PCDH9: variants seen among roughly 807,000 people sequenced by gnomAD.
PCDH9 encodes protocadherin 9.
PCDH9 carries 24 observed loss-of-function variants against 70.6 expected under a neutral mutation model. The ratio of observed to expected loss-of-function variants is 0.34; its 90% confidence interval spans 0.25 to 0.48. PCDH9 has a LOEUF of 0.48. Among genes scored for constraint, PCDH9 ranks in the 20% least tolerant of loss-of-function variants. The pLI, the probability that PCDH9 is intolerant of heterozygous loss-of-function variation, is 0.99. For missense variants in PCDH9, 1,281 were observed against 1,503.6 expected (o/e 0.85, Z 2.45); for synonymous variants, 562 against 558.5 (o/e 1.01, Z -0.09).
At chr13:66,632,260 A>C (rs2077581693) in intron 3 of PCDH9, among the ~76,000 whole-genome samples, 1 of 152,262 alleles carries the variant, frequency 6.6e-6, no homozygotes, top group Admixed American at 6.5e-5. Context: ...GGAATAATTA[A>C]TTAAAGTTAT....
chr13:66,886,457 G>C (rs146157681), intron 3 of PCDH9, among the ~76,000 whole-genome samples: 1 of 152,264 alleles, frequency 6.6e-6, no homozygotes, highest in East Asian at 1.9e-4. Context: ...GCTGGAACTT[G>C]ATTCTAAGTG....
intron 3 of PCDH9, among the ~76,000 whole-genome samples, chr13:66,885,802 T>A (rs1294901623): frequency 2.0e-5 from 3 of 152,178 alleles, no homozygotes; most frequent in Non-Finnish European, 4.4e-5. Flanking sequence ...TAAATGGAGA[T>A]CTCTGCTGGG....
intron 3 of PCDH9, among the ~76,000 whole-genome samples, chr13:66,765,912 T>A (rs936105707): frequency 1.3e-5 from 2 of 151,990 alleles, no homozygotes; most frequent in Non-Finnish European, 2.9e-5. Context: ...AGAAAGAACA[T>A]CCCTTGAAAT....
chr13:66,779,902 T>TGTGTCC (rs1555268248), intron 3 of PCDH9, among the ~76,000 whole-genome samples: 2 of 146,520 alleles, frequency 1.4e-5, no homozygotes, highest in East Asian at 2.0e-4. Flanking sequence ...TGTGTGTGTG[T>TGTGTCC]CCGATATATA....
At chr13:66,577,932 CT>C (rs1384426995) in intron 4 of PCDH9, among the ~76,000 whole-genome samples, 3 of 151,972 alleles carry the variant, frequency 2.0e-5, no homozygotes, top group Non-Finnish European at 4.4e-5. Flanking sequence ...AGTGCTGATG[CT>C]GAGGGAAAGG....
chr13:66,337,735 G>GA (rs1484558163), intron 4 of PCDH9, among the ~76,000 whole-genome samples: 1 of 152,070 alleles, frequency 6.6e-6, no homozygotes, highest in Non-Finnish European at 1.5e-5. Flanking sequence ...AGGAGACTTT[G>GA]AGGTTATAGT....
intron 3 of PCDH9, among the ~76,000 whole-genome samples, chr13:66,843,180 C>G (rs1409916935): frequency 2.0e-5 from 3 of 152,160 alleles, no homozygotes; most frequent in African/African-American, 7.2e-5. Flanking sequence ...CTACTGTATT[C>G]CCTGCTTTGA....
At chr13:66,524,762 A>G (rs1960140490) in intron 4 of PCDH9, among the ~76,000 whole-genome samples, 1 of 152,114 alleles carries the variant, frequency 6.6e-6, no homozygotes, top group Non-Finnish European at 1.5e-5. Context: ...CAAAGCCAAC[A>G]CAAGCCAATA....
intron 2 of PCDH9, chr13:67,223,037 G>GT (rs1327933636): frequency 6.6e-6 from 1 of 152,078 alleles, no homozygotes; most frequent in Admixed American, 6.6e-5. Flanking sequence ...TTTAAAAGGT[G>GT]TAAGCAAAGC....
At chr13:66,342,479 T>C (rs1956144996) in intron 4 of PCDH9, among the ~76,000 whole-genome samples, 1 of 152,202 alleles carries the variant, frequency 6.6e-6, no homozygotes, top group African/African-American at 2.4e-5. Context: ...TATAACAGGA[T>C]AGTTACTATT....
chr13:66,822,048 A>C (rs2080720087), intron 3 of PCDH9, among the ~76,000 whole-genome samples: 1 of 152,026 alleles, frequency 6.6e-6, no homozygotes, highest in South Asian at 2.1e-4. Context: ...ACATTGGTAC[A>C]CATCAGCATG....
At chr13:67,004,490 G>T (rs2084309149) in intron 2 of PCDH9, among the ~76,000 whole-genome samples, 2 of 147,392 alleles carry the variant, frequency 1.4e-5, no homozygotes, top group South Asian at 4.2e-4. Flanking sequence ...CCGGGAGGCA[G>T]AAGTTGCAGC....
intron 4 of PCDH9, among the ~76,000 whole-genome samples, chr13:66,613,287 G>A (rs1359970378): frequency 6.6e-6 from 1 of 152,142 alleles, no homozygotes; most frequent in Non-Finnish European, 1.5e-5. Flanking sequence ...ACTGTAATAA[G>A]CTTAAACTTA....
intron 3 of PCDH9, among the ~76,000 whole-genome samples, chr13:66,835,595 G>A (rs116290904): frequency 0.018 from 2,756 of 152,232 alleles, 75 homozygotes; most frequent in African/African-American, 0.062. Flanking sequence ...GTTATATGCC[G>A]GGTTAACTTT....
rs534929538 is a variant in PCDH9, at chr13:67,039,972, T to C, written c.3037-136367A>G. ...ACCTAGTTGGTATTTGTTTACAAAG[T>C]TGAGAATTGGTTGGTGTGGAAAAAA... On this transcript the variant is annotated intron_variant, in intron 2 of 4. Transcript: ENST00000377865. Among the ~76,000 whole-genome samples, 264 of 152,158 alleles carry C rather than the reference T, an allele frequency of 1.7e-3. 4 individuals are homozygous for C. Among genetic ancestry groups the C allele is most frequent in the Non-Finnish European group, 4.3e-4 (29 of 68,012 alleles).
chr13:67,166,048 G>A (rs755269247), intron 2 of PCDH9, among the ~76,000 whole-genome samples: 96 of 152,220 alleles, frequency 6.3e-4, no homozygotes, highest in Non-Finnish European at 1.2e-3. Context: ...TAAAAAAGTC[G>A]TGGTGTGGAG....
chr13:66,827,665 C>T (rs115308786), intron 3 of PCDH9, among the ~76,000 whole-genome samples: 2,424 of 152,218 alleles, frequency 0.016, 78 homozygotes, highest in African/African-American at 0.055. Context: ...GGTAATTTTG[C>T]ATCATTCATG....
chr13:66,975,398 A>G (rs945696499), intron 2 of PCDH9, among the ~76,000 whole-genome samples: 7 of 152,056 alleles, frequency 4.6e-5, no homozygotes, highest in African/African-American at 1.7e-4. Context: ...AGACATTGTC[A>G]TAAATGGCTT....
intron 3 of PCDH9, 71 bp downstream of exon 3, chr13:66,903,433 G>A (rs1295250436): frequency 1.7e-6 from 1 of 583,592 alleles, no homozygotes; most frequent in African/African-American, 1.9e-5. Flanking sequence ...AATTAAGATA[G>A]AGTATTTAAA....
Sources: allele counts gnomAD v4.1 joint callset (sites outside exome capture counted in the v4.1 genomes callset), GRCh38; gene constraint gnomAD v4.1.1; transcripts MANE v1.5; gene names NCBI Gene and HGNC (gene_info 2026-07-23, HGNC 2026-07-21).